PAQR5: variants seen among roughly 807,000 people sequenced by gnomAD.
PAQR5 encodes progestin and adipoQ receptor family member 5, also known as membrane progestin receptor gamma.
In PAQR5, 20 loss-of-function variants were observed where a neutral mutation model predicts 34.5. The ratio of observed to expected loss-of-function variants is 0.58; its 90% CI spans 0.41 to 0.84. The LOEUF (loss-of-function observed/expected upper bound fraction) is 0.84, where lower values mean the gene tolerates loss of function less well. PAQR5 is among the 40% of genes least tolerant of loss of function. The probability of loss-of-function intolerance (pLI) is 0.00; values close to 1 mark genes in which losing one functional copy is unlikely to be tolerated. For missense variants in PAQR5, 378 were observed against 412.7 expected, an observed-to-expected ratio of 0.92 and a Z score of 0.73; for synonymous variants, 131 against 155.6, an observed-to-expected ratio of 0.84 and a Z score of 1.18.
intron 3 of PAQR5, among the ~76,000 whole-genome samples, chr15:69,374,073 T>A (rs1300958661): frequency 2.0e-5 from 3 of 152,230 alleles, no homozygotes; most frequent in African/African-American, 7.2e-5. Flanking sequence ...TTATACTGCA[T>A]GTACAAAAAG....
intron 2 of PAQR5, among the ~76,000 whole-genome samples, chr15:69,355,184 T>C (rs1303374095): frequency 6.6e-6 from 1 of 152,106 alleles, no homozygotes; most frequent in East Asian, 1.9e-4. Flanking sequence ...TCTCTCTCTC[T>C]CGCTATCTGT....
chr15:69,350,145 C>T (rs759020387), intron 2 of PAQR5, among the ~76,000 whole-genome samples: 4 of 152,200 alleles, frequency 2.6e-5, no homozygotes, highest in African/African-American at 4.8e-5. Context: ...TAGCAGGGGC[C>T]GCGTGGCGGC....
chr15:69,369,317 C>T (rs370529991), intron 3 of PAQR5, among the ~76,000 whole-genome samples: 42 of 152,238 alleles, frequency 2.8e-4, no homozygotes, highest in African/African-American at 9.4e-4. Flanking sequence ...AGGTGGATCA[C>T]CTGAGGTCAG....
chr15:69,320,858 T>A (rs527253671), intron 1 of PAQR5, among the ~76,000 whole-genome samples: 1 of 152,336 alleles, frequency 6.6e-6, no homozygotes, highest in East Asian at 1.9e-4. Context: ...ACAAGTATGC[T>A]TTTTTTCCCT....
At chr15:69,344,689 C>T (rs2054723426) in intron 2 of PAQR5, among the ~76,000 whole-genome samples, 1 of 152,230 alleles carries the variant, frequency 6.6e-6, no homozygotes, top group Non-Finnish European at 1.5e-5. Flanking sequence ...AGATTTCAAA[C>T]AACTTTGTTG....
chr15:69,362,710 A>G (rs1290515945), intron 3 of PAQR5, among the ~76,000 whole-genome samples: 1 of 152,198 alleles, frequency 6.6e-6, no homozygotes, highest in Non-Finnish European at 1.5e-5. Context: ...GTGGTGAACA[A>G]TTAATAATGT....
Position 69,404,568 on chromosome 15 carries a change from T to A in PAQR5, c.*746T>A, listed in dbSNP as rs1332923917. ...GTTTGATCTGCAAAGTATTTTTCAG[T>A]GCAGGTAAAATGTGTTAAACCATAA... On this transcript the variant is annotated 3_prime_UTR_variant, in exon 9 of 9. Coordinates refer to ENST00000395407, the MANE Select transcript of PAQR5 (RefSeq NM_017705.4). 5.7e-6 allele frequency: 1 copy of A among 174,656 alleles called. No homozygotes were observed. Among genetic ancestry groups the A allele is most frequent in the Non-Finnish European group, 1.2e-5 (1 of 83,396 alleles). The allele number at this position is 174,656 out of a possible 1,614,324, so 10.8% of individuals were successfully genotyped here.
intron 3 of PAQR5, among the ~76,000 whole-genome samples, chr15:69,373,602 C>T (rs2055621949): frequency 6.6e-6 from 1 of 152,058 alleles, no homozygotes; most frequent in Non-Finnish European, 1.5e-5. Flanking sequence ...TACCTGAGTT[C>T]TGTTTACTTT....
chr15:69,305,848 T>A (rs2053704186), intron 1 of PAQR5, among the ~76,000 whole-genome samples: 1 of 152,206 alleles, frequency 6.6e-6, no homozygotes, highest in South Asian at 2.1e-4. Context: ...CTTCTGACCT[T>A]GTCGCTTAAT....
chr15:69,347,905 C>T (rs2054816885), intron 2 of PAQR5, among the ~76,000 whole-genome samples: 1 of 152,194 alleles, frequency 6.6e-6, no homozygotes. Flanking sequence ...GGGAATTAAG[C>T]TTCAACATAT....
chr15:69,332,693 A>T (rs1217493868), intron 1 of PAQR5, among the ~76,000 whole-genome samples: 1 of 25,072 alleles, frequency 4.0e-5, no homozygotes, highest in Non-Finnish European at 8.1e-5. Flanking sequence ...CCCCACCCCC[A>T]CCCCGGCCAA....
chr15:69,399,627 G>T, intron 7 of PAQR5, among the ~76,000 whole-genome samples: 1 of 152,080 alleles, frequency 6.6e-6, no homozygotes, highest in Non-Finnish European at 1.5e-5. Flanking sequence ...AGGATTTTTT[G>T]TCTTTCTTTT....
At chr15:69,393,322 C>T (rs528034425) in intron 6 of PAQR5, among the ~76,000 whole-genome samples, 18 of 152,138 alleles carry the variant, frequency 1.2e-4, no homozygotes, top group African/African-American at 2.9e-4. Flanking sequence ...AAAGCTGACT[C>T]GTGTGCAGAA....
In PAQR5 at chr15:69,403,716, C is replaced by G. The variant is rs1221230766; in HGVS notation, c.887C>G (p.Ala296Gly). The G allele has an allele frequency of 1.2e-6, 2 of 1,614,074 alleles. No homozygotes were observed. The highest frequency in any genetic ancestry group is 4.5e-5 in the East Asian group (2 of 44,904). ...TSKPFSFSQIAGAILLCIIFS... is the reference protein window; with the variant it reads ...TSKPFSFSQIGGAILLCIIFS... ...AAGCCCTTCTCTTTCTCTCAGATAG[C>G]TGGAGCCATACTTCTGTGCATCATC... Residue 296 changes from alanine to glycine, a missense_variant, in exon 9 of 9, where the codon GCT becomes GGT. Coordinates refer to ENST00000395407, the MANE Select transcript of PAQR5 (RefSeq NM_017705.4).
chr15:69,325,912 C>A (rs2054240630), intron 1 of PAQR5, among the ~76,000 whole-genome samples: 2 of 152,300 alleles, frequency 1.3e-5, no homozygotes, highest in South Asian at 4.1e-4. Flanking sequence ...TTTTTCTTCT[C>A]CCTTGGGCTC....
intron 2 of PAQR5, among the ~76,000 whole-genome samples, chr15:69,343,434 C>CA (rs200616079): frequency 5.3e-4 from 81 of 151,496 alleles, no homozygotes; most frequent in African/African-American, 1.7e-3. Context: ...GAAATAGAGG[C>CA]AAAAAAAATG....
chr15:69,387,448 G>A (rs374413098), intron 5 of PAQR5, among the ~76,000 whole-genome samples: 35 of 152,306 alleles, frequency 2.3e-4, no homozygotes, highest in African/African-American at 8.2e-4. Context: ...TCCACAAAAT[G>A]GATGTAATAT....
intron 1 of PAQR5, among the ~76,000 whole-genome samples, chr15:69,325,832 C>T (rs1391144744): frequency 6.6e-6 from 1 of 152,190 alleles, no homozygotes; most frequent in East Asian, 1.9e-4. Context: ...GCACAGCCAT[C>T]TGCCCGGGAA....
At chr15:69,342,790 A>G (rs1432026377) in intron 2 of PAQR5, among the ~76,000 whole-genome samples, 1 of 152,186 alleles carries the variant, frequency 6.6e-6, no homozygotes, top group Non-Finnish European at 1.5e-5. Context: ...TGGCTCAGCC[A>G]CCCAGAGCCT....
Sources: allele counts gnomAD v4.1 joint callset (sites outside exome capture counted in the v4.1 genomes callset), GRCh38; gene constraint gnomAD v4.1.1; transcripts MANE v1.5; gene names NCBI Gene and HGNC (gene_info 2026-07-23, HGNC 2026-07-21).